KIF11: variants seen among roughly 807,000 people sequenced by gnomAD.
KIF11 encodes kinesin-like protein KIF11.
Under a neutral mutation model 121.0 loss-of-function variants are expected in KIF11, and 9 were observed. The ratio of observed to expected loss-of-function variants is 0.07; its 90% CI spans 0.04 to 0.13. The LOEUF is 0.13. Among genes scored for constraint, KIF11 ranks in the 10% least tolerant of loss-of-function variants. The probability of loss-of-function intolerance (pLI) is 1.00; values close to 1 mark genes in which losing one functional copy is unlikely to be tolerated. For synonymous variants in KIF11, 408 were observed against 421.0 expected (o/e 0.97, Z 0.38); for missense variants, 846 against 1,217.5 (o/e 0.69, Z 4.54).
At position 92,645,403 on chromosome 10, in the gene KIF11, C is replaced by A. The variant is rs1472205853; in HGVS notation, c.2308C>A (p.Gln770Lys). Residue 770 changes from glutamine to lysine, a missense_variant, in exon 18 of 22, where the codon CAA (glutamine) becomes AAA (lysine). Gln to Lys is a moderately conservative substitution (Grantham distance 53, BLOSUM62 1). This residue lies in a region of KIF11 where 492 missense variants were observed against 603.4 expected (regional missense o/e 0.82). Transcript: ENST00000260731. ...DIVNKMTFHS[Q>K]KFCADSDGFS... The stretch of plus-strand genomic sequence containing the variant: ...AGTCAACAAAATGACTTTTCACAGT[C>A]AAAAATTTTGTGCTGATTCTGATGG... 12 of 1,612,630 alleles carry A rather than the reference C, an allele frequency of 7.4e-6. No homozygotes were observed. The highest frequency in any genetic ancestry group is 1.0e-5 in the Non-Finnish European group (12 of 1,179,204).
At chr10:92,638,164 A>G (rs1423961420) in intron 16 of KIF11, among the ~76,000 whole-genome samples, 2 of 152,226 alleles carry the variant, frequency 1.3e-5, no homozygotes, top group African/African-American at 4.8e-5. Flanking sequence ...ATGACTGTCT[A>G]AAGTTTTATT....
chr10:92,601,778 G>A (rs1405930533), intron 1 of KIF11, among the ~76,000 whole-genome samples: 1 of 151,608 alleles, frequency 6.6e-6, no homozygotes, highest in Non-Finnish European at 1.5e-5. Context: ...CTGGCTTCGG[G>A]TGATCCTCTA....
At chr10:92,618,994 C>T (rs1589596584) in intron 9 of KIF11, among the ~76,000 whole-genome samples, 1 of 151,806 alleles carries the variant, frequency 6.6e-6, no homozygotes, top group Non-Finnish European at 1.5e-5. Flanking sequence ...ATTATGTAAA[C>T]GTTTGAGATT....
At chr10:92,602,020 A>G (rs1844379224) in intron 1 of KIF11, among the ~76,000 whole-genome samples, 1 of 152,184 alleles carries the variant, frequency 6.6e-6, no homozygotes, top group Non-Finnish European at 1.5e-5. Flanking sequence ...ATCGATTGAC[A>G]TGATTCTGTG....
intron 13 of KIF11, 115 bp from the exon 14 acceptor site, chr10:92,633,508 G>A (rs1016927644): frequency 4.2e-6 from 3 of 713,890 alleles, no homozygotes; most frequent in Non-Finnish European, 4.7e-6. Context: ...TTTTAAGCTC[G>A]TTATTACAAA....
rs758658511 is a variant in KIF11 at position 92,593,459 on chromosome 10, AGAG to A, written c.77+9_77+11del. The A allele has an allele frequency of 4.5e-5, 72 of 1,607,428 alleles. No individual in the cohort carries two copies. The South Asian group carries it at 7.6e-4, about 17-fold the overall frequency. ...AGGTGGTGGTGAGATGCAGGTAGGG[AGAG>A]GGCTGACAGGATTCCGAGCGCTGCG... On this transcript the variant is annotated splice_region_variant and intron_variant, in intron 1 of 21. Transcript: ENST00000260731.
In KIF11 at chr10:92,633,417, A is replaced by G. The variant is rs746086013; in HGVS notation, c.1703-206A>G. Among the ~76,000 whole-genome samples the G allele has an allele frequency of 5.9e-5, 9 of 152,140 alleles. No individual in the cohort carries two copies. The East Asian group carries it at 7.7e-4, about 13-fold the overall frequency. Reference sequence around the variant, plus strand: ...TAGTTATGGGTCTGATACACTTACAAATATGTTAAGGGCTTACAGAGCACT... The same window carrying G: ...TAGTTATGGGTCTGATACACTTACAGATATGTTAAGGGCTTACAGAGCACT... On this transcript the variant is annotated intron_variant, in intron 13 of 21. Transcript: ENST00000260731.
At position 92,655,146 on chromosome 10, in the gene KIF11, T is replaced by C. The variant is rs1845032530; in HGVS notation, c.*1350T>C. ...AGAAGGAATATGTACAAAGAATAAA[T>C]TTTCTGCTCACGATGAGTTTAGTGT... On this transcript the variant is annotated 3_prime_UTR_variant, in exon 22 of 22. Transcript: ENST00000260731. 1 of 152,634 alleles carries C rather than the reference T, an allele frequency of 6.6e-6. No individual in the cohort carries two copies. Among genetic ancestry groups the C allele is most frequent in the African/African-American group, 2.4e-5 (1 of 41,458 alleles). The allele number at this position is 152,634 out of a possible 1,614,324, so 9.5% of individuals were successfully genotyped here. A position where few individuals can be genotyped will look rare whatever the true frequency, so the allele number is the denominator to read the frequency against.
At chr10:92,608,433 T>G (rs769782391) in intron 4 of KIF11, among the ~76,000 whole-genome samples, 1 of 150,920 alleles carries the variant, frequency 6.6e-6, no homozygotes, top group Non-Finnish European at 1.5e-5. Context: ...TGGGCAGAAT[T>G]ATTGAACTTG....
chr10:92,646,631 G>A (rs113590330), intron 18 of KIF11, among the ~76,000 whole-genome samples: 5,339 of 152,196 alleles, frequency 0.035, 350 homozygotes, highest in African/African-American at 0.12. Flanking sequence ...AAAGGTCTTA[G>A]TAGCCAACCT....
At chr10:92,628,712 ATGAG>A (rs1215938783) in intron 10 of KIF11, 92 bp from the exon 11 acceptor site, 3 of 600,544 alleles carry the variant, frequency 5.0e-6, no homozygotes, top group Non-Finnish European at 8.7e-6. Flanking sequence ...AATGTTGGAA[ATGAG>A]TTTGTGTAGC....
intron 4 of KIF11, among the ~76,000 whole-genome samples, chr10:92,608,757 A>C (rs762076311): frequency 4.6e-5 from 7 of 152,244 alleles, no homozygotes; most frequent in Admixed American, 3.9e-4. Flanking sequence ...TTTTAAGTAG[A>C]TAGGTTCCAT....
intron 6 of KIF11, among the ~76,000 whole-genome samples, chr10:92,611,717 G>C (rs1844498747): frequency 6.6e-6 from 1 of 151,994 alleles, no homozygotes; most frequent in African/African-American, 2.4e-5. Flanking sequence ...TGGCCAACGT[G>C]GTGAAACCCC....
chr10:92,653,650 G>A lies in KIF11; in HGVS notation c.3040-15G>A, dbSNP rs200996780. 1.7e-5 allele frequency: 28 copies of A among 1,604,206 alleles called. No individual in the cohort carries two copies. Among genetic ancestry groups the A allele is most frequent in the African/African-American group, 5.4e-5 (4 of 74,160 alleles). ...TACTTTGTATTGACTTAATTTTCCC[G>A]CCTTAAATCCACAGCATAAAAAATC... On this transcript the variant is annotated splice_polypyrimidine_tract_variant and intron_variant, in intron 21 of 21. Transcript: ENST00000260731.
Position 92,654,425 on chromosome 10 carries a change from T to C in KIF11, c.*629T>C, listed in dbSNP as rs994511374. 1.3e-5 allele frequency: 2 copies of C among 152,252 alleles called. No homozygotes were observed. The highest frequency in any genetic ancestry group is 4.8e-5 in the African/African-American group (2 of 41,468). 9.4% of individuals were successfully genotyped at this position (152,252 alleles called of 1,614,324 possible). A position where few individuals can be genotyped will look rare whatever the true frequency, so the allele number is the denominator to read the frequency against. On this transcript the variant is annotated 3_prime_UTR_variant, in exon 22 of 22. Coordinates refer to ENST00000260731, the MANE Select transcript of KIF11 (RefSeq NM_004523.4). ...GTACTCTTCTCAGCTTGAGCTTACA[T>C]AGGTAAATATCACCAACATCTGTCC...
At chr10:92,605,562 C>G (rs1749258767) in intron 1 of KIF11, among the ~76,000 whole-genome samples, 1 of 147,962 alleles carries the variant, frequency 6.8e-6, no homozygotes, top group Non-Finnish European at 1.5e-5. Context: ...TCTTGGCTCA[C>G]CGCAACCTCC....
At chr10:92,597,881 T>A (rs1844317927) in intron 1 of KIF11, among the ~76,000 whole-genome samples, 1 of 151,946 alleles carries the variant, frequency 6.6e-6, no homozygotes, top group African/African-American at 2.4e-5. Flanking sequence ...GATCTCCTGA[T>A]CTCAGGTGAT....
chr10:92,604,174 G>C (rs2135899411), intron 1 of KIF11, among the ~76,000 whole-genome samples: 1 of 152,224 alleles, frequency 6.6e-6, no homozygotes, highest in Non-Finnish European at 1.5e-5. Context: ...GAGAAGTCTG[G>C]GTAGGAAACT....
intron 10 of KIF11, among the ~76,000 whole-genome samples, chr10:92,626,214 A>G (rs879476260): frequency 6.6e-6 from 1 of 152,196 alleles, no homozygotes; most frequent in Non-Finnish European, 1.5e-5. Context: ...GTACTGGTAC[A>G]AAAACAGACA....
Sources: gnomAD v4.1 joint callset for allele counts (sites outside exome capture counted in the v4.1 genomes callset) on GRCh38, gnomAD v4.1.1 for gene constraint, gnomAD v4.1.1 regional missense constraint, MANE v1.5 for transcripts, NCBI Gene and HGNC (gene_info 2026-07-23, HGNC 2026-07-21) for gene names.